Variants in ADAMTS18 observed in about 807,000 individuals in gnomAD.
ADAMTS18 encodes A disintegrin and metalloproteinase with thrombospondin motifs 18.
Under a neutral mutation model 165.9 loss-of-function variants are expected in ADAMTS18, and 157 were observed. The observed-to-expected ratio is 0.95, with a 90% CI of 0.83 to 1.08. ADAMTS18 has a LOEUF of 1.08. Ranked by LOEUF, ADAMTS18 falls within the 50% of genes least tolerant of loss-of-function variation. ADAMTS18 has a pLI of 0.00. For missense variants in ADAMTS18, 2,040 were observed against 1,534.0 expected (o/e 1.33, Z -5.51); for synonymous variants, 782 against 578.2 (o/e 1.35, Z -5.06).
rs775738152 is a variant in ADAMTS18, at chr16:77,283,959, G to C, written c.3663C>G (p.Ile1221Met). The change falls in exon 23 of 23, where the codon ATC becomes ATG. Residue 1221 changes from isoleucine to methionine, a missense_variant. Transcript: ENST00000282849. The part of the protein sequence containing the change: ...KQCCKSCTRK[I>M] Reference sequence around the variant, plus strand: ...GGTGCTGGGGAGGACACCAAGATCAGATCTTCCTTGTGCATGACTTGCAGC... The same window carrying C: ...GGTGCTGGGGAGGACACCAAGATCACATCTTCCTTGTGCATGACTTGCAGC... 1 of 1,613,036 alleles carries C rather than the reference G, an allele frequency of 6.2e-7. No homozygotes were observed.
At chr16:77,373,255 C>A (rs1435362065) in intron 3 of ADAMTS18, among the ~76,000 whole-genome samples, 1 of 152,010 alleles carries the variant, frequency 6.6e-6, no homozygotes, top group Non-Finnish European at 1.5e-5. Flanking sequence ...CTTTGGGAGG[C>A]TGAGGTCAGG....
intron 3 of ADAMTS18, among the ~76,000 whole-genome samples, chr16:77,371,089 C>T (rs185238913): frequency 2.0e-5 from 3 of 151,950 alleles, no homozygotes; most frequent in East Asian, 1.9e-4. Context: ...GTGGTGCATG[C>T]CTGTGGTACC....
At chr16:77,403,362 G>GT (rs35071213) in intron 3 of ADAMTS18, among the ~76,000 whole-genome samples, 29,716 of 152,154 alleles carry the variant, frequency 0.2, 3,365 homozygotes, top group Non-Finnish European at 0.27. Context: ...AGTATGAAGA[G>GT]TAAGCAACTT....
intron 7 of ADAMTS18, 140 bp from the exon 8 acceptor site, chr16:77,359,563 A>ATCT: frequency 1.5e-6 from 1 of 653,638 alleles, no homozygotes; most frequent in Non-Finnish European, 2.7e-6. Context: ...AAAAAAAAAA[A>ATCT]AAAGATCTAT....
At chr16:77,369,628 C>T (rs2056848208) in intron 3 of ADAMTS18, among the ~76,000 whole-genome samples, 1 of 152,124 alleles carries the variant, frequency 6.6e-6, no homozygotes, top group African/African-American at 2.4e-5. Flanking sequence ...AAGAAAAGCC[C>T]AGGGCCAGAT....
intron 16 of ADAMTS18, among the ~76,000 whole-genome samples, chr16:77,314,026 T>C (rs1375509211): frequency 6.6e-6 from 1 of 152,176 alleles, no homozygotes; most frequent in Non-Finnish European, 1.5e-5. Context: ...TCTATTTTGA[T>C]TGGGAAATGC....
At chr16:77,348,419 G>C (rs1446799027) in intron 10 of ADAMTS18, among the ~76,000 whole-genome samples, 2 of 152,180 alleles carry the variant, frequency 1.3e-5, no homozygotes, top group Non-Finnish European at 2.9e-5. Context: ...TCTCCCATCC[G>C]AGGCAGGCAA....
intron 3 of ADAMTS18, among the ~76,000 whole-genome samples, chr16:77,393,531 G>C (rs1191362333): frequency 2.0e-5 from 3 of 152,144 alleles, no homozygotes; most frequent in Non-Finnish European, 4.4e-5. Context: ...CCTGGGAAGT[G>C]ATTAGATCCA....
At chr16:77,387,041 T>C (rs932322832) in intron 3 of ADAMTS18, among the ~76,000 whole-genome samples, 9 of 152,180 alleles carry the variant, frequency 5.9e-5, no homozygotes, top group Non-Finnish European at 1.2e-4. Context: ...CAGAGGGCTA[T>C]TTGCATACTA....
intron 22 of ADAMTS18, among the ~76,000 whole-genome samples, chr16:77,286,630 T>G (rs1194880398): frequency 6.6e-6 from 1 of 152,142 alleles, no homozygotes; most frequent in African/African-American, 2.4e-5. Context: ...CAACTCTATT[T>G]TTATGATTTT....
chr16:77,369,332 T>G (rs2056843926), intron 3 of ADAMTS18, among the ~76,000 whole-genome samples: 1 of 152,224 alleles, frequency 6.6e-6, no homozygotes, highest in South Asian at 2.1e-4. Context: ...AGTCTAAATT[T>G]CATTTATTAC....
intron 12 of ADAMTS18, among the ~76,000 whole-genome samples, chr16:77,327,290 G>A (rs1248260123): frequency 1.3e-5 from 2 of 152,090 alleles, no homozygotes; most frequent in African/African-American, 4.8e-5. Flanking sequence ...CACCCGATCA[G>A]TGTACCCTGG....
intron 4 of ADAMTS18, 35 bp downstream of exon 4, chr16:77,367,406 A>T (rs755842009): frequency 1.9e-6 from 3 of 1,613,340 alleles, no homozygotes; most frequent in Middle Eastern, 3.6e-4. Flanking sequence ...CGAGGCCCAC[A>T]TAAGAACAGA....
In ADAMTS18 at chr16:77,291,311, T is replaced by C; in HGVS notation, c.3357A>G (p.Pro1119=). ...TCNRRACPAH[P]VYNMVAGWYS... ...ACCATCCAGCTACCATGTTGTACAC[T>C]GGATGGGCTGGGCAAGCCCGTCGGT... Residue 1119 remains proline, a synonymous_variant, in exon 21 of 23, where the codon CCA becomes CCG. Coordinates refer to ENST00000282849, the MANE Select transcript of ADAMTS18 (RefSeq NM_199355.4). 2 of 1,614,220 alleles carry C rather than the reference T, an allele frequency of 1.2e-6. No homozygotes were observed. Among genetic ancestry groups the C allele is most frequent in the Non-Finnish European group, 1.7e-6 (2 of 1,180,032 alleles).
intron 3 of ADAMTS18, among the ~76,000 whole-genome samples, chr16:77,391,812 T>G (rs376059085): frequency 1.3e-5 from 2 of 152,184 alleles, no homozygotes; most frequent in South Asian, 2.1e-4. Context: ...ACCCAGGAAT[T>G]CATTTTAGAT....
intron 12 of ADAMTS18, among the ~76,000 whole-genome samples, chr16:77,329,168 C>T (rs1597129157): frequency 6.6e-6 from 1 of 151,870 alleles, no homozygotes; most frequent in East Asian, 1.9e-4. Flanking sequence ...TGAACTGGCA[C>T]AATCATGGCT....
At chr16:77,292,325 G>A (rs1249717859) in intron 20 of ADAMTS18, among the ~76,000 whole-genome samples, 1 of 152,092 alleles carries the variant, frequency 6.6e-6, no homozygotes, top group Non-Finnish European at 1.5e-5. Flanking sequence ...CAGTATTTGT[G>A]AGAGATATTT....
chr16:77,361,224 C>G (rs528177563), intron 7 of ADAMTS18, among the ~76,000 whole-genome samples: 2 of 152,280 alleles, frequency 1.3e-5, no homozygotes, highest in East Asian at 3.9e-4. Context: ...CATAGCTTAA[C>G]ATATTGACTG....
Position 77,321,073 on chromosome 16 carries a change from TCTCACC to T in ADAMTS18, c.2287_2287+5del. On this transcript the variant is annotated splice_donor_variant and splice_donor_5th_base_variant and coding_sequence_variant and intron_variant, in exon 15 of 23. Transcript: ENST00000282849. LOFTEE classifies it high-confidence loss of function. ...ATTAACAATAACAAACAGCAGCATCTCTCACCATTTGCTTTATGCTGGTTGAGGTAC... is the reference window on the plus strand; with the variant it reads ...ATTAACAATAACAAACAGCAGCATCTATTTGCTTTATGCTGGTTGAGGTAC... 1 of 1,614,152 alleles carries T rather than the reference TCTCACC, an allele frequency of 6.2e-7. No homozygotes were observed. Among genetic ancestry groups the T allele is most frequent in the East Asian group, 2.2e-5 (1 of 44,870 alleles).
Sources: allele counts gnomAD v4.1 joint callset (sites outside exome capture counted in the v4.1 genomes callset), GRCh38; gene constraint gnomAD v4.1.1; transcripts MANE v1.5; gene names NCBI Gene and HGNC (gene_info 2026-07-23, HGNC 2026-07-21).